The following UBAP1 variants were observed in gnomAD, a reference collection of about 807,000 sequenced individuals.
UBAP1 encodes the protein ubiquitin-associated protein 1.
UBAP1 carries 5 observed loss-of-function variants against 39.0 expected under a neutral mutation model. The observed-to-expected ratio is 0.13, with a 90% CI of 0.07 to 0.27. The LOEUF (loss-of-function observed/expected upper bound fraction) is 0.27. Among genes scored for constraint, UBAP1 ranks in the 10% least tolerant of loss-of-function variants. The pLI, the probability that UBAP1 is intolerant of heterozygous loss-of-function variation, is 1.00. For missense variants in UBAP1, 490 were observed against 608.1 expected, an observed-to-expected ratio of 0.81 and a Z score of 2.04; for synonymous variants, 211 against 225.1, an observed-to-expected ratio of 0.94 and a Z score of 0.56.
chr9:34,226,958 C>T (rs1833140162), intron 2 of UBAP1, among the ~76,000 whole-genome samples: 1 of 152,082 alleles, frequency 6.6e-6, no homozygotes, highest in Non-Finnish European at 1.5e-5. Flanking sequence ...TTTAGTTTTT[C>T]CATTAGACCC....
At chr9:34,184,839 G>GTCTTGATC (rs1830300905) in intron 1 of UBAP1, among the ~76,000 whole-genome samples, 1 of 151,038 alleles carries the variant, frequency 6.6e-6, no homozygotes. Context: ...GGCCAGGATG[G>GTCTTGATC]TCTTGATCTC....
rs181526129 is a variant in UBAP1 at position 34,205,561 on chromosome 9, G to A, written c.-7-15347G>A. On this transcript the variant is annotated intron_variant, in intron 1 of 6. Coordinates refer to ENST00000297661, the MANE Select transcript of UBAP1 (RefSeq NM_016525.5). ...AATTTTCAGAAAGTTTGAAGGGAGA[G>A]AGTAAGTGAAAAGCCACTCCTGCTA... is the stretch of plus-strand genomic sequence containing the variant. Among the ~76,000 whole-genome samples the A allele has an allele frequency of 3.8e-3, 586 of 152,308 alleles. 2 individuals carry two copies. Among genetic ancestry groups the A allele is most frequent in the Middle Eastern group, 0.027 (8 of 294 alleles).
chr9:34,206,761 G>T (rs1054633800), intron 1 of UBAP1, among the ~76,000 whole-genome samples: 1 of 152,052 alleles, frequency 6.6e-6, no homozygotes, highest in East Asian at 1.9e-4. Flanking sequence ...GATCCATCTG[G>T]AATTTATCTT....
Position 34,181,116 on chromosome 9 carries a change from C to CTTTTTTTTTTTTT in UBAP1, c.-8+1881_-8+1893dup, listed in dbSNP as rs67856544. ...TGAGCCACCGCACCCGGCCTGTTTT[C>CTTTTTTTTTTTTT]TTTTTTTTTTTTTTTTTGAGACAGA... On this transcript the variant is annotated intron_variant, in intron 1 of 6. Coordinates refer to ENST00000297661, the MANE Select transcript of UBAP1 (RefSeq NM_016525.5). Among the ~76,000 whole-genome samples, 15 of 72,274 alleles carry CTTTTTTTTTTTTT rather than the reference C, an allele frequency of 2.1e-4. 1 individual carries two copies. The highest frequency in any genetic ancestry group is 3.1e-4 in the Non-Finnish European group (12 of 39,226). The allele number at this position is 72,274 out of a possible 152,430, so 47.4% of individuals were successfully genotyped here.
intron 1 of UBAP1, chr9:34,191,993 T>A (rs946388750): frequency 3.2e-4 from 49 of 151,338 alleles, no homozygotes; most frequent in African/African-American, 4.3e-4. Context: ...TTTTTAAATT[T>A]AAAAAAAATT....
intron 2 of UBAP1, among the ~76,000 whole-genome samples, chr9:34,231,726 G>A (rs1386960408): frequency 1.3e-5 from 2 of 151,560 alleles, no homozygotes; most frequent in African/African-American, 4.9e-5. Context: ...CTCACTGCAA[G>A]CTCCGCCTCC....
intron 4 of UBAP1, among the ~76,000 whole-genome samples, chr9:34,247,410 T>C (rs572072583): frequency 6.6e-6 from 1 of 152,264 alleles, no homozygotes; most frequent in South Asian, 2.1e-4. Flanking sequence ...AATTAATAAA[T>C]ATATCTTTTT....
chr9:34,221,666 C>T (rs1353393006), intron 2 of UBAP1, among the ~76,000 whole-genome samples: 2 of 152,012 alleles, frequency 1.3e-5, no homozygotes, highest in African/African-American at 4.8e-5. Flanking sequence ...CCCTGTGCCC[C>T]ATCAAAGGAA....
intron 1 of UBAP1, among the ~76,000 whole-genome samples, chr9:34,183,043 G>A (rs1312739982): frequency 6.6e-6 from 1 of 151,974 alleles, no homozygotes; most frequent in Non-Finnish European, 1.5e-5. Flanking sequence ...CTTCCAAAGT[G>A]CTGGGATTAT....
intron 1 of UBAP1, among the ~76,000 whole-genome samples, chr9:34,188,405 G>A (rs4879758): frequency 0.38 from 55,603 of 145,998 alleles, 11,444 homozygotes; most frequent in East Asian, 0.89. Flanking sequence ...CAATTTGAAT[G>A]CTAAACTTAG....
intron 1 of UBAP1, among the ~76,000 whole-genome samples, chr9:34,219,741 TTCCCCTCCCC>T (rs1295681601): frequency 3.8e-5 from 1 of 26,032 alleles, no homozygotes; most frequent in Non-Finnish European, 6.8e-5. Flanking sequence ...CCCCTCCCCC[TTCCCCTCCCC>T]TCCCCTCCCC....
At chr9:34,234,394 G>A in intron 3 of UBAP1, 54 bp downstream of exon 3, 1 of 1,538,038 alleles carries the variant, frequency 6.5e-7, no homozygotes, top group African/African-American at 1.4e-5. Flanking sequence ...TAAAGAGTAA[G>A]AATTTGATGT....
At chr9:34,197,068 C>T (rs1268126607) in intron 1 of UBAP1, among the ~76,000 whole-genome samples, 1 of 151,886 alleles carries the variant, frequency 6.6e-6, no homozygotes, top group African/African-American at 2.4e-5. Context: ...GCTGAGACTA[C>T]AGGCGTGTGC....
chr9:34,251,605 A>G lies in UBAP1; in HGVS notation c.*73A>G, dbSNP rs1296276999. On this transcript the variant is annotated 3_prime_UTR_variant, in exon 7 of 7. Transcript: ENST00000297661. ...GCCCTGCAGAGCCCACCTGTGGGGAAAGAGAAGGGGCAGCTTCCGGATTTT... is the reference window on the plus strand; with the variant it reads ...GCCCTGCAGAGCCCACCTGTGGGGAGAGAGAAGGGGCAGCTTCCGGATTTT... 2.2e-5 allele frequency: 33 copies of G among 1,533,968 alleles called. No individual in the cohort carries two copies. The highest frequency in any genetic ancestry group is 8.4e-5 in the Admixed American group (4 of 47,386).
At chr9:34,202,480 T>C (rs569768945) in intron 1 of UBAP1, among the ~76,000 whole-genome samples, 6 of 152,002 alleles carry the variant, frequency 3.9e-5, no homozygotes, top group Admixed American at 3.9e-4. Context: ...TTGGGAGAGA[T>C]AGAGTTCTAC....
chr9:34,251,245 G>A (rs1834506555), intron 6 of UBAP1, 147 bp from the exon 7 acceptor site: 1 of 832,798 alleles, frequency 1.2e-6, no homozygotes, highest in Non-Finnish European at 1.8e-6. Context: ...TGCTTGCTAG[G>A]GGACCTTATG....
intron 1 of UBAP1, among the ~76,000 whole-genome samples, chr9:34,182,860 A>T (rs1431433235): frequency 6.6e-6 from 1 of 151,684 alleles, no homozygotes; most frequent in Admixed American, 6.6e-5. Flanking sequence ...ACAGGTGCCC[A>T]CCACCACGCC....
chr9:34,184,367 C>A (rs1830261895), intron 1 of UBAP1, among the ~76,000 whole-genome samples: 1 of 150,912 alleles, frequency 6.6e-6, no homozygotes, highest in South Asian at 2.1e-4. Context: ...CGCGGTGGCT[C>A]AGGTCTGTAA....
chr9:34,227,522 C>CT (rs1460562209), intron 2 of UBAP1, among the ~76,000 whole-genome samples: 8 of 152,262 alleles, frequency 5.3e-5, no homozygotes, highest in African/African-American at 1.4e-4. Context: ...TGGAATTGTA[C>CT]TTTTTTTAGA....
Sources: gnomAD v4.1 joint callset for allele counts (sites outside exome capture counted in the v4.1 genomes callset) on GRCh38, gnomAD v4.1.1 for gene constraint, MANE v1.5 for transcripts, NCBI Gene and HGNC (gene_info 2026-07-23, HGNC 2026-07-21) for gene names.